MTOR: variants seen among roughly 807,000 people sequenced by gnomAD.
MTOR encodes serine/threonine-protein kinase mTOR.
Under a neutral mutation model 319.8 loss-of-function variants are expected in MTOR, and 70 were observed. The ratio of observed to expected loss-of-function variants is 0.22; its 90% confidence interval spans 0.18 to 0.27. MTOR has a LOEUF of 0.27. Ranked by LOEUF, MTOR falls within the 10% of genes least tolerant of loss-of-function variation. The pLI is 1.00. For missense variants in MTOR, 1,890 were observed against 3,274.4 expected (o/e 0.58, Z 10.32); for synonymous variants, 1,183 against 1,211.4 (o/e 0.98, Z 0.49).
chr1:11,213,098 C>T (rs961170646), intron 21 of MTOR, among the ~76,000 whole-genome samples, 190 bp from the exon 22 acceptor site: 3 of 152,156 alleles, frequency 2.0e-5, no homozygotes, highest in Admixed American at 2.0e-4. Flanking sequence ...TATTACTTTG[C>T]TTTCTCTGTG....
intron 15 of MTOR, 34 bp from the exon 16 acceptor site, chr1:11,232,562 T>G: frequency 6.3e-7 from 1 of 1,579,450 alleles, no homozygotes; most frequent in East Asian, 2.2e-5. Context: ...CAGAAAGGGT[T>G]AGAAATTCTG....
At chr1:11,172,356 G>C (rs903847917) in intron 28 of MTOR, among the ~76,000 whole-genome samples, 1 of 151,262 alleles carries the variant, frequency 6.6e-6, no homozygotes, top group Non-Finnish European at 1.5e-5. Context: ...AGGAGATCGA[G>C]ACCATCCTGG....
At position 11,115,786 on chromosome 1, in the gene MTOR, T is replaced by C. The variant is rs1642133713; in HGVS notation, c.7017-318A>G. ...CAGTTTGCCAACTCCTGCTGAAATGTGGGCTTATGTGTGAATCACAGGTTG... is the reference window on the plus strand; with the variant it reads ...CAGTTTGCCAACTCCTGCTGAAATGCGGGCTTATGTGTGAATCACAGGTTG... On this transcript the variant is annotated intron_variant, in intron 50 of 57. Transcript: ENST00000361445. This position sits in a 1 kb window ranked among gnomAD's most constrained non-coding sequence, Gnocchi z 4.5. The C allele has an allele frequency of 1.0e-5, 3 of 294,056 alleles. No homozygotes were observed. In the East Asian group the frequency reaches 1.8e-4, roughly 18 times the overall value. 18.2% of individuals were successfully genotyped at this position (294,056 alleles called of 1,614,324 possible). A position where few individuals can be genotyped will look rare whatever the true frequency, so the allele number is the denominator to read the frequency against.
intron 16 of MTOR, among the ~76,000 whole-genome samples, chr1:11,232,104 T>C (rs1398096863): frequency 6.6e-6 from 1 of 152,208 alleles, no homozygotes; most frequent in Non-Finnish European, 1.5e-5. Context: ...AAGGATGAGC[T>C]AAACTTCTGT....
At position 11,129,799 on chromosome 1, in the gene MTOR, C is replaced by T. The variant is rs139043855; in HGVS notation, c.5653G>A (p.Val1885Ile). 490 of 1,614,172 alleles carry T rather than the reference C, an allele frequency of 3.0e-4. 2 individuals are homozygous for T. The highest frequency in any genetic ancestry group is 9.9e-4 in the Middle Eastern group (6 of 6,060). ...KTLLMYTVPA[V>I]QGFFRSISLS... ...GAGATGGAACGGAAGAAGCCCTGGACGGCAGGCACCGTGTACATCAGGAGG... is the reference window on the plus strand; with the variant it reads ...GAGATGGAACGGAAGAAGCCCTGGATGGCAGGCACCGTGTACATCAGGAGG... Residue 1885 changes from valine (V) to isoleucine (I), a missense_variant, in exon 40 of 58, where the codon GTC becomes ATC. Around this residue, in one of 15 missense-constraint regions of MTOR, gnomAD observed 249 missense variants for 596.2 expected, o/e 0.42. Transcript: ENST00000361445. This position sits in a 1 kb window ranked among gnomAD's most constrained non-coding sequence, Gnocchi z 4.7.
At chr1:11,243,446 CT>C (rs1197497559) in intron 8 of MTOR, 146 bp from the exon 9 acceptor site, 1 of 725,108 alleles carries the variant, frequency 1.4e-6, no homozygotes, top group Non-Finnish European at 2.2e-6. Flanking sequence ...AATCCCAACA[CT>C]TTGGGAGGCC....
intron 30 of MTOR, among the ~76,000 whole-genome samples, chr1:11,156,460 AG>A (rs1237416501): frequency 6.6e-6 from 1 of 152,132 alleles, no homozygotes; most frequent in African/African-American, 2.4e-5. Context: ...AAATGTTCTC[AG>A]TTACGCATTA....
In MTOR at chr1:11,128,139, C is replaced by T. The variant is rs370875658; in HGVS notation, c.5911-13G>A. ...GGTAGATGAGGGCCTGAGGGAAAAA[C>T]AGAAGAAACATCTATAAAGGAAATG... is the stretch of plus-strand genomic sequence containing the variant. On this transcript the variant is annotated splice_polypyrimidine_tract_variant and intron_variant, in intron 42 of 57. Coordinates refer to ENST00000361445, the MANE Select transcript of MTOR (RefSeq NM_004958.4). The surrounding 1 kb of genome is among the most constrained non-coding windows in gnomAD (Gnocchi z 5.3). 3.1e-6 allele frequency: 5 copies of T among 1,613,188 alleles called. No individual in the cohort carries two copies. The highest frequency in any genetic ancestry group is 1.1e-5 in the South Asian group (1 of 90,932).
At chr1:11,118,228 A>ATTT (rs771785403) in intron 49 of MTOR, among the ~76,000 whole-genome samples, 1,436 of 120,720 alleles carry the variant, frequency 0.012, 217 homozygotes, top group African/African-American at 0.054. Context: ...AACTTAGTTA[A>ATTT]TTTTTTTTTT....
Position 11,129,976 on chromosome 1 carries a change from A to C in MTOR, c.5614-138T>G. 1 of 685,246 alleles carries C rather than the reference A, an allele frequency of 1.5e-6. No individual in the cohort carries two copies. The highest frequency in any genetic ancestry group is 2.6e-6 in the Non-Finnish European group (1 of 391,844). The allele number at this position is 685,246 out of a possible 1,614,324, so 42.4% of individuals were successfully genotyped here. ...ATCGGTTAATGCATGAAAAATCTTT[A>C]ATCATTACCTGGCACATAGCAAAGA... On this transcript the variant is annotated intron_variant, in intron 39 of 57. Transcript: ENST00000361445. This position sits in a 1 kb window ranked among gnomAD's most constrained non-coding sequence, Gnocchi z 4.7.
intron 29 of MTOR, among the ~76,000 whole-genome samples, chr1:11,164,353 A>AG (rs1446722309): frequency 6.9e-5 from 10 of 145,792 alleles, no homozygotes; most frequent in East Asian, 6.1e-4. Context: ...AAAAAAAAAA[A>AG]AGAGAGAGAG....
chr1:11,200,964 A>G (rs1190235755), intron 26 of MTOR, among the ~76,000 whole-genome samples: 3 of 151,764 alleles, frequency 2.0e-5, no homozygotes, highest in Admixed American at 6.6e-5. Context: ...GCAGTGAGCC[A>G]AGATCACACC....
At chr1:11,225,422 CTTTT>C (rs201304113) in intron 19 of MTOR, among the ~76,000 whole-genome samples, 23 of 137,054 alleles carry the variant, frequency 1.7e-4, no homozygotes, top group Admixed American at 2.2e-4. Flanking sequence ...AAAATTGGTT[CTTTT>C]TTTTTTTTTT....
intron 30 of MTOR, among the ~76,000 whole-genome samples, chr1:11,154,253 T>G (rs1644248858): frequency 6.6e-6 from 1 of 150,556 alleles, no homozygotes; most frequent in Admixed American, 6.6e-5. Flanking sequence ...CTTCCTAAAT[T>G]TATTGAGGTA....
intron 38 of MTOR, 27 bp from the exon 39 acceptor site, chr1:11,130,804 A>G (rs1247180634): frequency 6.5e-7 from 1 of 1,549,570 alleles, no homozygotes; most frequent in Admixed American, 2.0e-5. Context: ...GCAAGGACAG[A>G]CACTGGAGCT....
At chr1:11,255,648 C>G (rs993200065) in intron 5 of MTOR, among the ~76,000 whole-genome samples, 1 of 151,892 alleles carries the variant, frequency 6.6e-6, no homozygotes, top group African/African-American at 2.4e-5. Context: ...GTCAGGAATT[C>G]GAGACCAGCC....
In MTOR at chr1:11,129,948, T is replaced by A; in HGVS notation, c.5614-110A>T. The stretch of plus-strand genomic sequence containing the variant: ...TACTTCAAAGGGTGGTTATAACAAT[T>A]AAATCGGTTAATGCATGAAAAATCT... On this transcript the variant is annotated intron_variant, in intron 39 of 57. Transcript: ENST00000361445. The surrounding 1 kb of genome is among the most constrained non-coding windows in gnomAD (Gnocchi z 4.7). The A allele has an allele frequency of 1.2e-6, 1 of 866,654 alleles. No homozygotes were observed. Among genetic ancestry groups the A allele is most frequent in the Non-Finnish European group, 1.8e-6 (1 of 542,436 alleles). The allele number at this position is 866,654 out of a possible 1,614,324, so 53.7% of individuals were successfully genotyped here. A position where few individuals can be genotyped will look rare whatever the true frequency, so the allele number is the denominator to read the frequency against.
In MTOR at chr1:11,237,305, C is replaced by A. The variant is rs148298711; in HGVS notation, c.2208+538G>T. 1.7e-3 allele frequency among the ~76,000 whole-genome samples: 252 copies of A among 152,240 alleles called. 2 individuals are homozygous for A. The highest frequency in any genetic ancestry group is 5.8e-3 in the African/African-American group (240 of 41,556). On this transcript the variant is annotated intron_variant, in intron 13 of 57. Coordinates refer to ENST00000361445, the MANE Select transcript of MTOR (RefSeq NM_004958.4). ...GAGCCATGTCTCCAGAGCAATTCTA[C>A]CTTACGCTACAGACCAAGCAGCTGA... is the stretch of plus-strand genomic sequence containing the variant.
rs181208475 is a variant in MTOR at position 11,201,278 on chromosome 1, T to C, written c.3945-1575A>G. ...GTGTATATCACAAGCCTCTCATGGA[T>C]AACACTGTGCTCAGAGGTGACTGGA... On this transcript the variant is annotated intron_variant, in intron 26 of 57. Transcript: ENST00000361445. Among the ~76,000 whole-genome samples the C allele has an allele frequency of 1.2e-4, 19 of 152,296 alleles. 1 individual carries two copies. Among genetic ancestry groups the C allele is most frequent in the Admixed American group, 5.2e-4 (8 of 15,300 alleles).
Sources: gnomAD v4.1 joint callset for allele counts (sites outside exome capture counted in the v4.1 genomes callset) on GRCh38, gnomAD v4.1.1 for gene constraint, gnomAD v4.1.1 regional missense constraint, Gnocchi (gnomAD v3.1) non-coding constraint, MANE v1.5 for transcripts, NCBI Gene and HGNC (gene_info 2026-07-23, HGNC 2026-07-21) for gene names.